POLA2: variants seen among roughly 807,000 people sequenced by gnomAD.
The protein encoded by POLA2 is DNA polymerase alpha 2, accessory subunit, also known as DNA polymerase alpha subunit B.
Under a neutral mutation model 82.8 loss-of-function variants are expected in POLA2, and 47 were observed. That is an observed-to-expected ratio of 0.57 (90% CI 0.45 to 0.72). The LOEUF (loss-of-function observed/expected upper bound fraction) is 0.72. Ranked by LOEUF, POLA2 falls within the 30% of genes least tolerant of loss-of-function variation. The probability of loss-of-function intolerance (pLI) is 0.00; values close to 1 mark genes in which losing one functional copy is unlikely to be tolerated. For missense variants in POLA2, 634 were observed against 728.1 expected (o/e 0.87, Z 1.49); for synonymous variants, 287 against 286.8 (o/e 1.00, Z -0.01).
intron 10 of POLA2, among the ~76,000 whole-genome samples, chr11:65,284,000 G>T (rs1205643135): frequency 6.6e-6 from 1 of 151,708 alleles, no homozygotes; most frequent in African/African-American, 2.4e-5. Flanking sequence ...TCGGCATGGT[G>T]GCATGTGCCT....
downstream of POLA2, among the ~76,000 whole-genome samples, chr11:65,301,558 G>A (rs1949859620): frequency 6.6e-6 from 1 of 152,102 alleles, no homozygotes; most frequent in African/African-American, 2.4e-5. Context: ...GGTAGATGTG[G>A]GAGTCACTGC....
In POLA2 at chr11:65,298,187, G is replaced by A. The variant is rs1157548371; in HGVS notation, c.*918G>A. 6.6e-6 allele frequency: 1 copy of A among 152,388 alleles called. No homozygotes were observed. Among genetic ancestry groups the A allele is most frequent in the East Asian group, 1.9e-4 (1 of 5,204 alleles). 9.4% of individuals were successfully genotyped at this position (152,388 alleles called of 1,614,324 possible). ...AGAGCAAGCAACTGGCTGCATGCCT[G>A]GGCCTCCCTGCGCAGTTCCTCACAT... On this transcript the variant is annotated 3_prime_UTR_variant, in exon 18 of 18. Transcript: ENST00000265465.
At chr11:65,284,741 G>A (rs973418754) in intron 10 of POLA2, among the ~76,000 whole-genome samples, 1 of 151,958 alleles carries the variant, frequency 6.6e-6, no homozygotes, top group East Asian at 1.9e-4. Flanking sequence ...TGGTCAGGCT[G>A]GTCTCAAACT....
intron 3 of POLA2, 67 bp downstream of exon 3, chr11:65,267,635 G>T: frequency 1.9e-6 from 2 of 1,065,076 alleles, no homozygotes; most frequent in Non-Finnish European, 1.4e-6. Context: ...GTCTGTAGTC[G>T]CATGTGTAAT....
intron 16 of POLA2, 30 bp downstream of exon 16, chr11:65,295,629 GGA>G (rs773883037): frequency 6.3e-7 from 1 of 1,585,044 alleles, no homozygotes; most frequent in South Asian, 1.1e-5. Context: ...CCCTGACTGT[GGA>G]GAGAGTGCCT....
intron 12 of POLA2, 101 bp downstream of exon 12, chr11:65,289,189 T>C (rs1381456588): frequency 1.1e-5 from 10 of 882,548 alleles, no homozygotes; most frequent in Middle Eastern, 4.5e-4. Context: ...ACAAACACAT[T>C]AAGTCCTGTG....
intron 17 of POLA2, among the ~76,000 whole-genome samples, chr11:65,296,844 G>A (rs1205445765): frequency 6.6e-6 from 1 of 151,592 alleles, no homozygotes; most frequent in African/African-American, 2.4e-5. Context: ...AGCTACCTGG[G>A]AGCCTGAGGC....
chr11:65,281,105 G>A lies in POLA2; in HGVS notation c.858G>A (p.Val286=), dbSNP rs778029910. The stretch of plus-strand genomic sequence containing the variant: ...ATTCCTCGGGTGCTCAAATTCCAGT[G>A]GATTTATCTGAGCTTAAGGAATATT... ...REHSSGAQIP[V]DLSELKEYSL... is the part of the protein sequence containing the mutation. The change falls in exon 8 of 18, where the codon GTG becomes GTA. Residue 286 remains valine (V), a synonymous_variant. Coordinates refer to ENST00000265465, the MANE Select transcript of POLA2 (RefSeq NM_002689.4). The A allele has an allele frequency of 1.9e-6, 3 of 1,614,124 alleles. No homozygotes were observed. Among genetic ancestry groups the A allele is most frequent in the Non-Finnish European group, 2.5e-6 (3 of 1,180,004 alleles).
intron 7 of POLA2, chr11:65,280,785 G>A: frequency 1.8e-6 from 1 of 556,698 alleles, no homozygotes; most frequent in Non-Finnish European, 3.2e-6. Context: ...CAAGTGCTGG[G>A]TGGATGGGTG....
chr11:65,281,600 C>G, intron 8 of POLA2, 70 bp from the exon 9 acceptor site: 1 of 1,129,906 alleles, frequency 8.9e-7, no homozygotes, highest in Non-Finnish European at 1.3e-6. Flanking sequence ...TTTTAACTGC[C>G]TCAAAATAAT....
chr11:65,266,652 C>G lies in POLA2; in HGVS notation c.150C>G (p.Thr50=). Residue 50 remains threonine (T), a synonymous_variant, in exon 2 of 18, where the codon ACC becomes ACG. Transcript: ENST00000265465. Reference sequence around the variant, plus strand: ...TAGGCGAGCTTATAGCCTTCTGCACCAGCACACATAAAGTTGGCCTTACCT... The same window carrying G: ...TAGGCGAGCTTATAGCCTTCTGCACGAGCACACATAAAGTTGGCCTTACCT... ...GMVGELIAFC[T]STHKVGLTSE... The G allele has an allele frequency of 6.2e-7, 1 of 1,614,062 alleles. No individual in the cohort carries two copies. The highest frequency in any genetic ancestry group is 8.5e-7 in the Non-Finnish European group (1 of 1,179,898).
chr11:65,281,070 G>C lies in POLA2; in HGVS notation c.823G>C (p.Asp275His). Residue 275 changes from aspartate (D) to histidine (H), a missense_variant, in exon 8 of 18, where the codon GAC becomes CAC. Coordinates refer to ENST00000265465, the MANE Select transcript of POLA2 (RefSeq NM_002689.4). Reference sequence around the variant, plus strand: ...CAACAAGTCAGTGATTCTCGAGGGAGACCGGGAACATTCCTCGGGTGCTCA... The same window carrying C: ...CAACAAGTCAGTGATTCTCGAGGGACACCGGGAACATTCCTCGGGTGCTCA... Reference protein sequence around the residue: ...LNNKSVILEGDREHSSGAQIP... With the variant: ...LNNKSVILEGHREHSSGAQIP... The C allele has an allele frequency of 6.2e-7, 1 of 1,614,118 alleles. No individual in the cohort carries two copies. The highest frequency in any genetic ancestry group is 8.5e-7 in the Non-Finnish European group (1 of 1,179,980).
intron 4 of POLA2, among the ~76,000 whole-genome samples, chr11:65,269,338 T>C (rs996901993): frequency 2.6e-5 from 4 of 151,672 alleles, no homozygotes; most frequent in African/African-American, 9.7e-5. Context: ...AAAAAAGAAA[T>C]TAGCCGGGCG....
At chr11:65,276,736 C>T (rs1302641233) in intron 5 of POLA2, among the ~76,000 whole-genome samples, 1 of 151,674 alleles carries the variant, frequency 6.6e-6, no homozygotes, top group Non-Finnish European at 1.5e-5. Flanking sequence ...GTCATTACCT[C>T]TACTTTGGAT....
chr11:65,272,943 G>A (rs1453009851), intron 4 of POLA2, among the ~76,000 whole-genome samples: 6 of 151,864 alleles, frequency 4.0e-5, no homozygotes, highest in Admixed American at 6.6e-5. Flanking sequence ...GAACAGAGGC[G>A]GAGGTTGCAG....
chr11:65,297,184 T>G lies in POLA2; in HGVS notation c.1712T>G (p.Phe571Cys). The change falls in exon 18 of 18, where the codon TTC becomes TGC. Residue 571 changes from phenylalanine (F) to cysteine (C), a missense_variant. Transcript: ENST00000265465. ...RLTKGQVGGTFARLYLRRPAA... is the reference protein window; with the variant it reads ...RLTKGQVGGTCARLYLRRPAA... Reference sequence around the variant, plus strand: ...ACCAAAGGGCAGGTGGGAGGCACCTTCGCCCGACTCTACCTTAGGAGGCCG... The same window carrying G: ...ACCAAAGGGCAGGTGGGAGGCACCTGCGCCCGACTCTACCTTAGGAGGCCG... The G allele has an allele frequency of 6.2e-7, 1 of 1,614,032 alleles. No homozygotes were observed. Among genetic ancestry groups the G allele is most frequent in the Non-Finnish European group, 8.5e-7 (1 of 1,179,988 alleles).
chr11:65,302,526 G>A (rs904211993), downstream of POLA2, among the ~76,000 whole-genome samples: 2 of 152,114 alleles, frequency 1.3e-5, no homozygotes, highest in African/African-American at 4.8e-5. Context: ...AGGGGGAAAA[G>A]GCATACTCAC....
At chr11:65,301,999 GGGGCTCT>G (rs1184946241), downstream of POLA2, among the ~76,000 whole-genome samples, 10 of 152,246 alleles carry the variant, frequency 6.6e-5, no homozygotes, top group African/African-American at 2.4e-4. Context: ...GCCTCTTCCC[GGGGCTCT>G]AGGCTCCTCC....
Position 65,262,381 on chromosome 11 carries a change from G to C in POLA2, c.79+10G>C. On this transcript the variant is annotated intron_variant, in intron 1 of 17. Transcript: ENST00000265465. Reference sequence around the variant, plus strand: ...GCTCTAATTGAGAAATGTGAGTCCCGCACCCCTCCCGCCCTGCAGCCGTGC... The same window carrying C: ...GCTCTAATTGAGAAATGTGAGTCCCCCACCCCTCCCGCCCTGCAGCCGTGC... The C allele has an allele frequency of 1.2e-6, 2 of 1,606,782 alleles. No homozygotes were observed. Among genetic ancestry groups the C allele is most frequent in the Non-Finnish European group, 1.7e-6 (2 of 1,175,334 alleles).
Sources: allele counts gnomAD v4.1 joint callset (sites outside exome capture counted in the v4.1 genomes callset), GRCh38; gene constraint gnomAD v4.1.1; transcripts MANE v1.5; gene names NCBI Gene and HGNC (gene_info 2026-07-23, HGNC 2026-07-21).